PPP2R2C: variants seen among roughly 807,000 people sequenced by gnomAD.
PPP2R2C encodes the protein protein phosphatase 2 regulatory subunit Bgamma.
PPP2R2C carries 10 observed loss-of-function variants against 45.3 expected under a neutral mutation model. The ratio of observed to expected loss-of-function variants is 0.22; its 90% CI spans 0.14 to 0.37. PPP2R2C has a LOEUF of 0.37. PPP2R2C is among the 10% of genes least tolerant of loss of function. The probability of loss-of-function intolerance (pLI) is 1.00; values close to 1 mark genes in which losing one functional copy is unlikely to be tolerated. For synonymous variants in PPP2R2C, 257 were observed against 245.4 expected, an observed-to-expected ratio of 1.05 and a Z score of -0.44; for missense variants, 308 against 619.7, an observed-to-expected ratio of 0.50 and a Z score of 5.34.
chr4:6,329,689 C>A lies in PPP2R2C; in HGVS notation c.961-336G>T, dbSNP rs564826935. Among the ~76,000 whole-genome samples, 1 of 151,184 alleles carries A rather than the reference C, an allele frequency of 6.6e-6. No individual in the cohort carries two copies. The highest frequency in any genetic ancestry group is 2.1e-4 in the South Asian group (1 of 4,772). ...CCCTGCTCATCTTATCGGGGGCCCA[C>A]GACCAGGCACACGGCTGACCTCTGA... On this transcript the variant is annotated intron_variant, in intron 7 of 8. Transcript: ENST00000382599. This position sits in a 1 kb window ranked among gnomAD's most constrained non-coding sequence, Gnocchi z 5.8.
intron 1 of PPP2R2C, among the ~76,000 whole-genome samples, chr4:6,437,893 G>C (rs565430626): frequency 5.3e-5 from 8 of 152,288 alleles, no homozygotes; most frequent in African/African-American, 1.2e-4. Flanking sequence ...CATCATAATG[G>C]AACCAACTAC....
intron 1 of PPP2R2C, among the ~76,000 whole-genome samples, chr4:6,416,429 C>T (rs772368002): frequency 6.6e-6 from 1 of 152,230 alleles, no homozygotes; most frequent in African/African-American, 2.4e-5. Flanking sequence ...ATCAGCACAA[C>T]CTGCGGATGT....
At chr4:6,351,252 G>C in intron 5 of PPP2R2C, 1 of 532,664 alleles carries the variant, frequency 1.9e-6, no homozygotes, top group Non-Finnish European at 2.4e-6. Flanking sequence ...GGCAGAGGTT[G>C]CAGTGAGCTG....
intron 1 of PPP2R2C, among the ~76,000 whole-genome samples, chr4:6,544,261 C>A (rs1180559920): frequency 2.0e-5 from 3 of 152,238 alleles, no homozygotes; most frequent in Non-Finnish European, 4.4e-5. Context: ...GCAGCCCTAT[C>A]TCTTTCAGTT....
In PPP2R2C at chr4:6,512,647, GTGCTGA is replaced by G. The variant is rs1247675193; in HGVS notation, c.49+22618_49+22623del. On this transcript the variant is annotated intron_variant, in intron 2 of 9. Transcript: ENST00000506140. Reference sequence around the variant, plus strand: ...GGTGGTGATGGTGATGGTGGTGATGGTGCTGATGGTGGTGGTGGTGGTGGTGGTGGT... The same window carrying G: ...GGTGGTGATGGTGATGGTGGTGATGGTGGTGGTGGTGGTGGTGGTGGTGGT... Among the ~76,000 whole-genome samples the G allele has an allele frequency of 4.8e-4, 34 of 70,584 alleles. 2 individuals are homozygous for G. In the Admixed American group the frequency reaches 5.5e-3, roughly 11 times the overall value. The allele number at this position is 70,584 out of a possible 152,430, so 46.3% of individuals were successfully genotyped here.
chr4:6,493,658 T>C (rs1560583770), intron 2 of PPP2R2C, among the ~76,000 whole-genome samples: 1 of 151,892 alleles, frequency 6.6e-6, no homozygotes, highest in Admixed American at 6.6e-5. Flanking sequence ...CCCGTGTCTG[T>C]AGCCAGCTCT....
rs565427831 is a variant in PPP2R2C at position 6,520,590 on chromosome 4, G to A, written c.49+14681C>T. Among the ~76,000 whole-genome samples, 429 of 152,366 alleles carry A rather than the reference G, an allele frequency of 2.8e-3. 6 individuals carry two copies. The highest frequency in any genetic ancestry group is 9.6e-3 in the African/African-American group (398 of 41,588). ...AAAACCAATAAAAACTGGCAGCCCTGTGTGATTCAAGTCCAAGGGGTGTAT... is the reference window on the plus strand; with the variant it reads ...AAAACCAATAAAAACTGGCAGCCCTATGTGATTCAAGTCCAAGGGGTGTAT... On this transcript the variant is annotated intron_variant, in intron 2 of 9. Transcript: ENST00000506140.
At chr4:6,351,547 G>A (rs941960133) in intron 5 of PPP2R2C, among the ~76,000 whole-genome samples, 1 of 152,132 alleles carries the variant, frequency 6.6e-6, no homozygotes, top group Non-Finnish European at 1.5e-5. Flanking sequence ...CAGGACCCAT[G>A]GGGGAGCCAT....
Position 6,378,657 on chromosome 4 carries a change from C to G in PPP2R2C, c.169-85G>C, listed in dbSNP as rs542893066. Reference sequence around the variant, plus strand: ...CCTCCGGGGACCCAGCAGGGCCGGCCGTGGGACCAAGTGCCGAGCCGTGCC... The same window carrying G: ...CCTCCGGGGACCCAGCAGGGCCGGCGGTGGGACCAAGTGCCGAGCCGTGCC... On this transcript the variant is annotated intron_variant, in intron 2 of 8. Transcript: ENST00000382599. The surrounding 1 kb of genome is among the most constrained non-coding windows in gnomAD (Gnocchi z 5.2). The G allele has an allele frequency of 4.9e-6, 7 of 1,437,104 alleles. No homozygotes were observed. In the South Asian group the frequency reaches 8.0e-5, roughly 16 times the overall value. The allele number at this position is 1,437,104 out of a possible 1,614,324, so 89.0% of individuals were successfully genotyped here.
intron 5 of PPP2R2C, chr4:6,350,179 T>C (rs1712409403): frequency 7.1e-6 from 7 of 985,318 alleles, no homozygotes; most frequent in Non-Finnish European, 8.4e-6. Flanking sequence ...AAAATGATAC[T>C]GAAGGCCAAG....
chr4:6,452,406 G>T (rs1231479692), intron 1 of PPP2R2C, among the ~76,000 whole-genome samples: 1 of 152,136 alleles, frequency 6.6e-6, no homozygotes, highest in East Asian at 1.9e-4. Context: ...CTAGGTCTTT[G>T]TGGGATCCCG....
At chr4:6,548,288 C>T (rs1725062546) in intron 1 of PPP2R2C, among the ~76,000 whole-genome samples, 2 of 152,146 alleles carry the variant, frequency 1.3e-5, no homozygotes, top group Non-Finnish European at 2.9e-5. Flanking sequence ...GGATGGCTAA[C>T]ACTCAGCCTC....
intron 1 of PPP2R2C, among the ~76,000 whole-genome samples, chr4:6,457,619 C>G (rs1029328160): frequency 6.6e-6 from 1 of 152,130 alleles, no homozygotes; most frequent in African/African-American, 2.4e-5. Context: ...AGCGATCCTC[C>G]CACCTCAGCC....
chr4:6,409,581 C>G (rs1459035501), intron 1 of PPP2R2C, among the ~76,000 whole-genome samples: 1 of 152,184 alleles, frequency 6.6e-6, no homozygotes, highest in African/African-American at 2.4e-5. Context: ...CAGGTCTCTG[C>G]AGGAGAGTAA....
At chr4:6,356,484 T>C (rs28622408) in intron 5 of PPP2R2C, among the ~76,000 whole-genome samples, 93,347 of 152,088 alleles carry the variant, frequency 0.61, 29,380 homozygotes, top group East Asian at 0.73. Context: ...AGTGCAATCC[T>C]TGCCCCCTGA....
chr4:6,407,023 T>C (rs1170566859), intron 1 of PPP2R2C, among the ~76,000 whole-genome samples: 1 of 152,074 alleles, frequency 6.6e-6, no homozygotes, highest in Non-Finnish European at 1.5e-5. Flanking sequence ...CTTAGAGTAA[T>C]GTGGCCATAA....
At chr4:6,457,594 G>A (rs907358480) in intron 1 of PPP2R2C, among the ~76,000 whole-genome samples, 7 of 151,840 alleles carry the variant, frequency 4.6e-5, no homozygotes, top group East Asian at 1.9e-4. Flanking sequence ...GGCTGGTCTC[G>A]AACTCCTGGG....
At chr4:6,534,227 A>T (rs1416484661) in intron 2 of PPP2R2C, among the ~76,000 whole-genome samples, 1 of 150,700 alleles carries the variant, frequency 6.6e-6, no homozygotes, top group African/African-American at 2.4e-5. Context: ...ATATCAACAA[A>T]CACACACCAA....
chr4:6,404,118 A>G (rs1717631686), intron 1 of PPP2R2C, among the ~76,000 whole-genome samples: 1 of 152,120 alleles, frequency 6.6e-6, no homozygotes, highest in Non-Finnish European at 1.5e-5. Flanking sequence ...TGTCCCAGGA[A>G]GGGGACTCCT....
Sources: gnomAD v4.1 joint callset for allele counts (sites outside exome capture counted in the v4.1 genomes callset) on GRCh38, gnomAD v4.1.1 for gene constraint, Gnocchi (gnomAD v3.1) non-coding constraint, MANE v1.5 for transcripts, NCBI Gene and HGNC (gene_info 2026-07-23, HGNC 2026-07-21) for gene names.